The following SPART variants were observed in gnomAD, a reference collection of about 807,000 sequenced individuals.
SPART encodes the protein spastic paraplegia 20 (Troyer syndrome).
Under a neutral mutation model 58.7 loss-of-function variants are expected in SPART, and 35 were observed. That is an observed-to-expected ratio of 0.60 (90% CI 0.46 to 0.79). SPART has a LOEUF of 0.79. Ranked by LOEUF, SPART falls within the 30% of genes least tolerant of loss-of-function variation. The pLI is 0.00. For missense variants in SPART, 730 were observed against 786.1 expected, an observed-to-expected ratio of 0.93 and a Z score of 0.85; for synonymous variants, 284 against 280.7, an observed-to-expected ratio of 1.01 and a Z score of -0.12.
At chr13:36,325,314 T>G (rs1323426928) in intron 5 of SPART, among the ~76,000 whole-genome samples, 1 of 152,212 alleles carries the variant, frequency 6.6e-6, no homozygotes, top group Non-Finnish European at 1.5e-5. Flanking sequence ...TCAAGTCAAT[T>G]TTAACTATCG....
At chr13:36,337,451 C>A (rs1017691479) in intron 1 of SPART, among the ~76,000 whole-genome samples, 5 of 152,172 alleles carry the variant, frequency 3.3e-5, no homozygotes, top group Admixed American at 2.6e-4. Context: ...GGGCAGTTTG[C>A]CCCATGCTGT....
intron 5 of SPART, among the ~76,000 whole-genome samples, chr13:36,319,419 C>T (rs1215621662): frequency 6.6e-6 from 1 of 150,542 alleles, no homozygotes; most frequent in Non-Finnish European, 1.5e-5. Flanking sequence ...ACCCTTACCC[C>T]ACTCAACGCC....
intron 1 of SPART, among the ~76,000 whole-genome samples, chr13:36,361,269 A>G (rs1419747188): frequency 1.3e-5 from 2 of 152,230 alleles, no homozygotes; most frequent in Admixed American, 6.5e-5. Context: ...TGTCTTTTTC[A>G]GGATATTTCT....
At chr13:36,323,718 G>T (rs920129816) in intron 5 of SPART, among the ~76,000 whole-genome samples, 5 of 151,916 alleles carry the variant, frequency 3.3e-5, no homozygotes, top group Admixed American at 6.6e-5. Context: ...AACATTTGAC[G>T]AACTACTCGT....
At chr13:36,362,423 G>C (rs1885901530) in intron 1 of SPART, among the ~76,000 whole-genome samples, 1 of 151,966 alleles carries the variant, frequency 6.6e-6, no homozygotes, top group Non-Finnish European at 1.5e-5. Context: ...CTGTGAAGGG[G>C]TGTAGCTATA....
At chr13:36,364,170 G>C (rs1425388573) in intron 1 of SPART, among the ~76,000 whole-genome samples, 1 of 152,060 alleles carries the variant, frequency 6.6e-6, no homozygotes, top group Non-Finnish European at 1.5e-5. Flanking sequence ...ATTAGTAATA[G>C]TGACTGTAAC....
chr13:36,338,482 G>T (rs1329776657), intron 1 of SPART, among the ~76,000 whole-genome samples: 1 of 152,164 alleles, frequency 6.6e-6, no homozygotes, highest in Non-Finnish European at 1.5e-5. Context: ...TCTTCCTATG[G>T]AAAGGAAGTA....
intron 5 of SPART, among the ~76,000 whole-genome samples, chr13:36,315,042 A>C (rs1349314985): frequency 6.6e-6 from 1 of 152,212 alleles, no homozygotes; most frequent in Non-Finnish European, 1.5e-5. Context: ...ACATGAGAAC[A>C]CTCAAATGCA....
chr13:36,333,070 G>C (rs1883611918), intron 2 of SPART, among the ~76,000 whole-genome samples: 1 of 147,860 alleles, frequency 6.8e-6, no homozygotes, highest in Non-Finnish European at 1.5e-5. Flanking sequence ...CTATATCCTG[G>C]TCACCTTAAT....
At chr13:36,354,382 T>C (rs886138889) in intron 1 of SPART, among the ~76,000 whole-genome samples, 1 of 151,902 alleles carries the variant, frequency 6.6e-6, no homozygotes, top group African/African-American at 2.4e-5. Flanking sequence ...TTGAGGAATA[T>C]TCTGTTCTGA....
intron 1 of SPART, among the ~76,000 whole-genome samples, chr13:36,368,008 C>T (rs1234625951): frequency 2.6e-5 from 4 of 151,980 alleles, no homozygotes; most frequent in Non-Finnish European, 5.9e-5. Flanking sequence ...TGCTTTAGGG[C>T]TAAATATAAT....
intron 8 of SPART, among the ~76,000 whole-genome samples, chr13:36,306,659 G>T (rs1005671265): frequency 6.6e-6 from 1 of 151,750 alleles, no homozygotes; most frequent in Non-Finnish European, 1.5e-5. Context: ...CTTTAATAAC[G>T]TACTAAAAAT....
chr13:36,358,671 C>A (rs1333597373), intron 1 of SPART, among the ~76,000 whole-genome samples: 2 of 152,158 alleles, frequency 1.3e-5, no homozygotes, highest in African/African-American at 4.8e-5. Flanking sequence ...CTGAGCATCA[C>A]TGAACTATAT....
chr13:36,352,703 T>G (rs1006041920), intron 1 of SPART, among the ~76,000 whole-genome samples: 1 of 151,688 alleles, frequency 6.6e-6, no homozygotes, highest in Non-Finnish European at 1.5e-5. Context: ...TCCCAACATG[T>G]TGGGAGGCTG....
intron 5 of SPART, among the ~76,000 whole-genome samples, chr13:36,321,830 A>G (rs1326267811): frequency 6.6e-6 from 1 of 152,196 alleles, no homozygotes; most frequent in African/African-American, 2.4e-5. Context: ...GAAGAATCAC[A>G]AAAGAAGTGA....
intron 1 of SPART, among the ~76,000 whole-genome samples, chr13:36,356,135 G>T (rs904800397): frequency 2.0e-5 from 3 of 152,130 alleles, no homozygotes; most frequent in Admixed American, 6.5e-5. Context: ...TCTACTATGG[G>T]TGCTTAATTG....
At chr13:36,307,766 TAAGAC>T (rs981936527) in intron 8 of SPART, among the ~76,000 whole-genome samples, 3 of 152,022 alleles carry the variant, frequency 2.0e-5, no homozygotes, top group African/African-American at 7.2e-5. Context: ...TCCCCAAATA[TAAGAC>T]AAAAGTATTA....
chr13:36,329,126 T>C (rs562436403), intron 4 of SPART, among the ~76,000 whole-genome samples: 1 of 152,208 alleles, frequency 6.6e-6, no homozygotes, highest in Non-Finnish European at 1.5e-5. Flanking sequence ...TCTCAAACAG[T>C]TGGGAAAAAA....
Position 36,337,028 on chromosome 13 carries a change from A to C in SPART, c.-2-1196T>G, listed in dbSNP as rs140201173. On this transcript the variant is annotated intron_variant, in intron 1 of 8. Transcript: ENST00000438666. ...TACAGACTTCACAGGTACAGGAGGG[A>C]ATCTCATGGCCTTTGGAAATGTTCT... is the stretch of plus-strand genomic sequence containing the variant. Among the ~76,000 whole-genome samples, 290 of 152,320 alleles carry C rather than the reference A, an allele frequency of 1.9e-3. 2 individuals carry two copies. The highest frequency in any genetic ancestry group is 6.7e-3 in the African/African-American group (280 of 41,576).
Sources: allele counts gnomAD v4.1 joint callset (sites outside exome capture counted in the v4.1 genomes callset), GRCh38; gene constraint gnomAD v4.1.1; transcripts MANE v1.5; gene names NCBI Gene and HGNC (gene_info 2026-07-23, HGNC 2026-07-21).